The following CDCA7L variants were observed in gnomAD, a reference collection of about 807,000 sequenced individuals.
The protein encoded by CDCA7L is cell division cycle-associated 7-like protein.
Under a neutral mutation model 57.4 loss-of-function variants are expected in CDCA7L, and 44 were observed. That is an observed-to-expected ratio of 0.77 (90% CI 0.60 to 0.98). CDCA7L has a LOEUF of 0.98. Among genes scored for constraint, CDCA7L ranks in the 50% least tolerant of loss-of-function variants. CDCA7L has a pLI of 0.00. For missense variants in CDCA7L, 644 were observed against 580.6 expected (o/e 1.11, Z -1.12); for synonymous variants, 236 against 202.8 (o/e 1.16, Z -1.39).
chr7:21,908,642 C>A, intron 3 of CDCA7L, 135 bp from the exon 4 acceptor site: 1 of 967,032 alleles, frequency 1.0e-6, no homozygotes, highest in South Asian at 2.3e-5. Flanking sequence ...ATTATGAGTT[C>A]CCTCTGAATT....
Position 21,901,363 on chromosome 7 carries a change from T to C in CDCA7L, c.*959A>G. ...TTCTAACTTTTTAGTAACTCACACG[T>C]GCATTCTTTTTTCAACGCTATCCTT... is the stretch of plus-strand genomic sequence containing the variant. On this transcript the variant is annotated 3_prime_UTR_variant, in exon 10 of 10. Transcript: ENST00000406877. The C allele has an allele frequency of 7.3e-7, 1 of 1,362,632 alleles. No homozygotes were observed. The highest frequency in any genetic ancestry group is 9.6e-7 in the Non-Finnish European group (1 of 1,046,234). The allele number at this position is 1,362,632 out of a possible 1,614,324, so 84.4% of individuals were successfully genotyped here.
chr7:21,904,290 A>T (rs759880748), intron 7 of CDCA7L, 31 bp from the exon 8 acceptor site: 5 of 1,567,446 alleles, frequency 3.2e-6, no homozygotes, highest in African/African-American at 1.4e-5. Flanking sequence ...GCAGGTGAAC[A>T]CAGGGATATG....
chr7:21,907,173 G>A (rs190697297), intron 4 of CDCA7L, among the ~76,000 whole-genome samples: 123 of 152,268 alleles, frequency 8.1e-4, no homozygotes, highest in South Asian at 3.9e-3. Flanking sequence ...ATATGCCAGA[G>A]AATTTAATTA....
rs748214238 is a variant in CDCA7L, at chr7:21,916,879, C to G, written c.40G>C (p.Ala14Pro). 1.4e-5 allele frequency: 23 copies of G among 1,613,956 alleles called. No homozygotes were observed. Among genetic ancestry groups the G allele is most frequent in the Non-Finnish European group, 1.3e-5 (15 of 1,179,980 alleles). The stretch of plus-strand genomic sequence containing the variant: ...TCACTGGGGGCGTTAAAGATGTCAG[C>G]CACTTCTTTAGGGATCTGTTTTGGA... ...ATRYQIPKEV[A>P]DIFNAPSDDE... Residue 14 changes from alanine (A) to proline (P), a missense_variant, in exon 2 of 10, where the codon GCT (alanine) becomes CCT (proline). Physicochemically the swap from Ala to Pro is conservative, Grantham distance 27 (BLOSUM62 -1). Transcript: ENST00000406877.
At chr7:21,913,484 C>T (rs1427301544) in intron 2 of CDCA7L, among the ~76,000 whole-genome samples, 3 of 152,160 alleles carry the variant, frequency 2.0e-5, no homozygotes, top group Non-Finnish European at 2.9e-5. Context: ...CCTGTGGGGT[C>T]GGGGTAGAGA....
chr7:21,918,800 A>T (rs1203935570), intron 1 of CDCA7L, among the ~76,000 whole-genome samples: 1 of 152,174 alleles, frequency 6.6e-6, no homozygotes, highest in Non-Finnish European at 1.5e-5. Context: ...GTTAAGGTGG[A>T]ATCAGCCTGA....
chr7:21,945,794 G>A lies in CDCA7L; in HGVS notation c.11C>T (p.Ala4Val), dbSNP rs1409482952. Residue 4 changes from alanine to valine, a missense_variant, in exon 1 of 10, where the codon GCG (alanine) becomes GTG (valine). Coordinates refer to ENST00000406877, the MANE Select transcript of CDCA7L (RefSeq NM_018719.5). Reference protein sequence around the residue: MELATRYQIPKEVA... With the variant: MELVTRYQIPKEVA... Reference sequence around the variant, plus strand: ...CCGGACCCTCACCTGGTAGCGAGTCGCCAACTCCATTCTTCCTAACCGGGC... The same window carrying A: ...CCGGACCCTCACCTGGTAGCGAGTCACCAACTCCATTCTTCCTAACCGGGC... The A allele has an allele frequency of 2.5e-6, 4 of 1,599,636 alleles. No homozygotes were observed. In the South Asian group the frequency reaches 3.4e-5, roughly 13 times the overall value.
intron 2 of CDCA7L, among the ~76,000 whole-genome samples, chr7:21,915,202 G>T (rs887470442): frequency 6.6e-6 from 1 of 152,134 alleles, no homozygotes; most frequent in Admixed American, 6.5e-5. Flanking sequence ...GGGAGTCAAG[G>T]AGATGGAAGA....
At chr7:21,924,027 T>C (rs182924707) in intron 1 of CDCA7L, among the ~76,000 whole-genome samples, 86 of 152,344 alleles carry the variant, frequency 5.6e-4, no homozygotes, top group Admixed American at 1.0e-3. Flanking sequence ...AATCAAGTAT[T>C]TACCTTTGAA....
At chr7:21,903,518 T>TTTGTCTGTC (rs1358630836) in intron 8 of CDCA7L, among the ~76,000 whole-genome samples, 2 of 152,144 alleles carry the variant, frequency 1.3e-5, no homozygotes, top group Admixed American at 1.3e-4. Context: ...CAGCAGTTTG[T>TTTGTCTGTC]TTGTCTGTCA....
chr7:21,914,578 G>A (rs1785425883), intron 2 of CDCA7L, among the ~76,000 whole-genome samples: 1 of 152,134 alleles, frequency 6.6e-6, no homozygotes, highest in East Asian at 1.9e-4. Context: ...GGCAGAAAGG[G>A]CAGAACAGTG....
chr7:21,901,249 G>A lies in CDCA7L; in HGVS notation c.*1073C>T. ...GGCTGGAGTGGCTCTGCTTCTAGAA[G>A]CGTAAGGTAACACTGGCATTCCTCT... On this transcript the variant is annotated 3_prime_UTR_variant, in exon 10 of 10. Coordinates refer to ENST00000406877, the MANE Select transcript of CDCA7L (RefSeq NM_018719.5). 1 of 1,603,044 alleles carries A rather than the reference G, an allele frequency of 6.2e-7. No homozygotes were observed. The highest frequency in any genetic ancestry group is 8.5e-7 in the Non-Finnish European group (1 of 1,174,618).
At chr7:21,913,345 T>C (rs1785391381) in intron 2 of CDCA7L, among the ~76,000 whole-genome samples, 1 of 151,934 alleles carries the variant, frequency 6.6e-6, no homozygotes, top group South Asian at 2.1e-4. Flanking sequence ...AGAAAAAAAA[T>C]TGCACACACA....
intron 1 of CDCA7L, among the ~76,000 whole-genome samples, chr7:21,923,681 T>C (rs1394057785): frequency 6.6e-6 from 1 of 152,146 alleles, no homozygotes; most frequent in Non-Finnish European, 1.5e-5. Context: ...GATACATCAT[T>C]GTAGGTGCCA....
At chr7:21,936,080 A>ATC (rs777334448) in intron 1 of CDCA7L, among the ~76,000 whole-genome samples, 1 of 152,228 alleles carries the variant, frequency 6.6e-6, no homozygotes, top group Non-Finnish European at 1.5e-5. Context: ...AAATTGGATT[A>ATC]TCTAGATATA....
chr7:21,908,771 G>T (rs1435685070), intron 3 of CDCA7L, among the ~76,000 whole-genome samples: 3 of 152,206 alleles, frequency 2.0e-5, no homozygotes, highest in African/African-American at 7.2e-5. Context: ...CATGAGGGCT[G>T]TAAGCAAAAC....
intron 1 of CDCA7L, among the ~76,000 whole-genome samples, chr7:21,922,581 G>C (rs1785685694): frequency 1.3e-5 from 2 of 152,124 alleles, no homozygotes; most frequent in Non-Finnish European, 2.9e-5. Flanking sequence ...AGGGCTCTGT[G>C]GGACACCAAG....
chr7:21,913,246 T>A (rs1785388032), intron 2 of CDCA7L, among the ~76,000 whole-genome samples: 1 of 152,156 alleles, frequency 6.6e-6, no homozygotes, highest in Non-Finnish European at 1.5e-5. Flanking sequence ...TAAAAATGTC[T>A]CCTATGAATT....
Position 21,900,989 on chromosome 7 carries a change from G to A in CDCA7L, c.*1333C>T, listed in dbSNP as rs114694338. 1.5e-4 allele frequency: 227 copies of A among 1,559,824 alleles called. No homozygotes were observed. Among genetic ancestry groups the A allele is most frequent in the African/African-American group, 1.1e-3 (81 of 72,638 alleles). On this transcript the variant is annotated 3_prime_UTR_variant, in exon 10 of 10. Transcript: ENST00000406877. The stretch of plus-strand genomic sequence containing the variant: ...AGCAAGCTGCCACACAATTGCAACC[G>A]CTGTGTTTTTGCCATAGGCGCCCGC...
Sources: gnomAD v4.1 joint callset for allele counts (sites outside exome capture counted in the v4.1 genomes callset) on GRCh38, gnomAD v4.1.1 for gene constraint, MANE v1.5 for transcripts, NCBI Gene and HGNC (gene_info 2026-07-23, HGNC 2026-07-21) for gene names.